GRID2: variants seen among roughly 807,000 people sequenced by gnomAD.
GRID2 encodes the protein glutamate receptor ionotropic, delta-2.
A neutral mutation model predicts 114.8 loss-of-function variants in GRID2; 33 were observed. The observed-to-expected ratio is 0.29, with a 90% confidence interval of 0.22 to 0.38. The LOEUF (loss-of-function observed/expected upper bound fraction) is 0.38, where lower values mean the gene tolerates loss of function less well. GRID2 is among the 10% of genes least tolerant of loss of function. The pLI is 1.00. For missense variants in GRID2, 1,184 were observed against 1,257.7 expected, an observed-to-expected ratio of 0.94 and a Z score of 0.89; for synonymous variants, 505 against 449.9, an observed-to-expected ratio of 1.12 and a Z score of -1.55.
chr4:93,504,137 G>A (rs1728403071), intron 12 of GRID2, among the ~76,000 whole-genome samples: 1 of 151,954 alleles, frequency 6.6e-6, no homozygotes, highest in Admixed American at 6.6e-5. Context: ...ATTTTTGATA[G>A]TATGATTAAT....
intron 2 of GRID2, among the ~76,000 whole-genome samples, chr4:92,715,644 G>A (rs867425096): frequency 2.6e-5 from 4 of 152,240 alleles, no homozygotes; most frequent in South Asian, 4.1e-4. Flanking sequence ...GGTGGCAGAC[G>A]AGTGAAGAGA....
chr4:92,726,896 T>C (rs1736094711), intron 2 of GRID2, among the ~76,000 whole-genome samples: 1 of 151,954 alleles, frequency 6.6e-6, no homozygotes, highest in African/African-American at 2.4e-5. Context: ...CCAGAGATTT[T>C]ACAGGAAAAA....
At chr4:92,704,867 G>C (rs965940506) in intron 2 of GRID2, among the ~76,000 whole-genome samples, 1 of 148,882 alleles carries the variant, frequency 6.7e-6, no homozygotes, top group Non-Finnish European at 1.5e-5. Context: ...CGTGATAAGA[G>C]CAGAAATGAC....
intron 6 of GRID2, among the ~76,000 whole-genome samples, chr4:93,222,321 A>G (rs997773301): frequency 2.0e-5 from 3 of 152,084 alleles, no homozygotes; most frequent in South Asian, 2.1e-4. Flanking sequence ...GTGTAGGATA[A>G]GGAAAGAAAA....
chr4:92,533,924 TA>T (rs1725480027), intron 1 of GRID2, among the ~76,000 whole-genome samples: 4 of 152,004 alleles, frequency 2.6e-5, no homozygotes, highest in Non-Finnish European at 4.4e-5. Context: ...TTCTATAGAT[TA>T]AAAAGGAATA....
intron 2 of GRID2, among the ~76,000 whole-genome samples, chr4:92,728,600 T>C (rs1364900764): frequency 1.3e-5 from 2 of 151,878 alleles, no homozygotes; most frequent in Non-Finnish European, 2.9e-5. Flanking sequence ...TTCAGTAAAC[T>C]ACTCTTGGAA....
chr4:92,592,723 C>T (rs1728761713), intron 2 of GRID2, among the ~76,000 whole-genome samples: 1 of 151,938 alleles, frequency 6.6e-6, no homozygotes, highest in East Asian at 1.9e-4. Context: ...GGTAATAAAC[C>T]TGAAATGAGT....
At chr4:93,253,432 G>C (rs1057482079) in intron 8 of GRID2, among the ~76,000 whole-genome samples, 3 of 151,846 alleles carry the variant, frequency 2.0e-5, no homozygotes, top group Non-Finnish European at 4.4e-5. Context: ...ATATTAGATC[G>C]TTTTAAATAA....
At chr4:92,641,914 T>C (rs1361474123) in intron 2 of GRID2, among the ~76,000 whole-genome samples, 1 of 150,338 alleles carries the variant, frequency 6.7e-6, no homozygotes, top group African/African-American at 2.4e-5. Flanking sequence ...TTAATTTGCT[T>C]TGGAATGATG....
intron 8 of GRID2, among the ~76,000 whole-genome samples, chr4:93,359,568 G>A (rs192364680): frequency 2.6e-5 from 4 of 150,970 alleles, no homozygotes; most frequent in East Asian, 4.0e-4. Context: ...CTAGCCACCC[G>A]CTACTCTTCC....
chr4:92,441,520 C>T (rs372840741), intron 1 of GRID2, among the ~76,000 whole-genome samples: 29 of 152,072 alleles, frequency 1.9e-4, no homozygotes, highest in Middle Eastern at 3.4e-3. Context: ...TTTGGCACCA[C>T]GGGGTGGATA....
At chr4:92,728,950 G>T (rs1223068321) in intron 2 of GRID2, among the ~76,000 whole-genome samples, 1 of 151,856 alleles carries the variant, frequency 6.6e-6, no homozygotes, top group East Asian at 1.9e-4. Flanking sequence ...TCCTATTAAA[G>T]GTTTTTATTT....
In GRID2 at chr4:93,680,730, C is replaced by T. The variant is rs1012441222; in HGVS notation, c.2360+54295C>T. Among the ~76,000 whole-genome samples, 367 of 151,152 alleles carry T rather than the reference C, an allele frequency of 2.4e-3. 2 individuals carry two copies. The highest frequency in any genetic ancestry group is 4.9e-3 in the African/African-American group (198 of 40,814). On this transcript the variant is annotated intron_variant, in intron 14 of 15. Transcript: ENST00000282020. ...AAGGCCTTTGACAAAATTCAACAAC[C>T]CTTCATGCTAAAAACTCTCAATAAA... is the stretch of plus-strand genomic sequence containing the variant.
At chr4:92,662,062 T>C (rs1732545394) in intron 2 of GRID2, among the ~76,000 whole-genome samples, 1 of 151,084 alleles carries the variant, frequency 6.6e-6, no homozygotes. Flanking sequence ...AATTTTCATA[T>C]TTTATTCTGC....
intron 1 of GRID2, among the ~76,000 whole-genome samples, chr4:92,492,903 C>T (rs1364547672): frequency 4.6e-5 from 7 of 151,814 alleles, no homozygotes; most frequent in Admixed American, 2.0e-4. Flanking sequence ...CCTAGGCGCG[C>T]GGATCACTGG....
intron 2 of GRID2, among the ~76,000 whole-genome samples, chr4:92,853,594 C>T (rs941142747): frequency 3.3e-5 from 5 of 152,014 alleles, no homozygotes; most frequent in African/African-American, 1.2e-4. Flanking sequence ...TACCCTGACT[C>T]ATAGTAGCTA....
At chr4:92,899,685 T>A (rs1464228360) in intron 2 of GRID2, among the ~76,000 whole-genome samples, 3 of 152,242 alleles carry the variant, frequency 2.0e-5, no homozygotes, top group African/African-American at 7.2e-5. Flanking sequence ...CAATGTTGAA[T>A]GCTATTGTGC....
chr4:92,789,026 A>G (rs1489238420), intron 2 of GRID2, among the ~76,000 whole-genome samples: 1 of 151,872 alleles, frequency 6.6e-6, no homozygotes, highest in Middle Eastern at 3.2e-3. Flanking sequence ...ATTTAAAAAT[A>G]TTTGTATTAT....
In GRID2 at chr4:93,769,403, G is replaced by A; in HGVS notation, c.2554G>A (p.Glu852Lys). 1 of 1,613,966 alleles carries A rather than the reference G, an allele frequency of 6.2e-7. No homozygotes were observed. The highest frequency in any genetic ancestry group is 8.5e-7 in the Non-Finnish European group (1 of 1,179,910). The change falls in exon 15 of 16, where the codon GAG becomes AAG. Residue 852 changes from glutamate (E) to lysine (K), a missense_variant. This residue lies in a region of GRID2 where 717 missense variants were observed against 796.9 expected (regional missense o/e 0.90). Transcript: ENST00000282020. ...IVLSCFIAML[E>K]TWWNKRKGSR... ...CCTCTCCTGCTTCATAGCCATGCTG[G>A]AGACGTGGTGGAACAAGAGGAAAGG...
Sources: gnomAD v4.1 joint callset for allele counts (sites outside exome capture counted in the v4.1 genomes callset) on GRCh38, gnomAD v4.1.1 for gene constraint, gnomAD v4.1.1 regional missense constraint, MANE v1.5 for transcripts, NCBI Gene and HGNC (gene_info 2026-07-23, HGNC 2026-07-21) for gene names.